CELSR1: variants seen among roughly 807,000 people sequenced by gnomAD.
CELSR1 encodes adhesion G protein-coupled receptor C1.
Under a neutral mutation model 249.1 loss-of-function variants are expected in CELSR1, and 110 were observed. The observed-to-expected ratio is 0.44, with a 90% CI of 0.38 to 0.52. CELSR1 has a LOEUF of 0.52. Among genes scored for constraint, CELSR1 ranks in the 20% least tolerant of loss-of-function variants. CELSR1 has a pLI of 0.00. For missense variants in CELSR1, 4,109 were observed against 4,296.4 expected (o/e 0.96, Z 1.22); for synonymous variants, 2,113 against 1,900.0 (o/e 1.11, Z -2.92).
chr22:46,381,866 G>A lies in CELSR1; in HGVS notation c.7068C>T (p.Asp2356=). ...CTTACCGGAGGCTGCGACGGTCGGG[G>A]TCGTAGCGCTCGGGCAGGAGCTGCC... ...TLGQLLPERY[D]PDRRSLRLPH... is the part of the protein sequence containing the mutation. Residue 2356 remains aspartate (D), a synonymous_variant, in exon 21 of 35, where the codon GAC becomes GAT. Transcript: ENST00000674500. The surrounding 1 kb of genome is among the most constrained non-coding windows in gnomAD (Gnocchi z 6.0). 1 of 1,564,922 alleles carries A rather than the reference G, an allele frequency of 6.4e-7. No homozygotes were observed. Among genetic ancestry groups the A allele is most frequent in the South Asian group, 1.2e-5 (1 of 85,362 alleles).
At chr22:46,462,539 T>C (rs1203211768) in intron 2 of CELSR1, among the ~76,000 whole-genome samples, 1 of 152,134 alleles carries the variant, frequency 6.6e-6, no homozygotes, top group Non-Finnish European at 1.5e-5. Flanking sequence ...AGCTAACGAT[T>C]GCTCAGGTGT....
At chr22:46,509,651 C>T (rs1223021070) in intron 1 of CELSR1, among the ~76,000 whole-genome samples, 4 of 152,032 alleles carry the variant, frequency 2.6e-5, no homozygotes, top group East Asian at 1.9e-4. Flanking sequence ...GCAGTGCCAG[C>T]GGTGCTGGGG....
At position 46,391,654 on chromosome 22, in the gene CELSR1, C is replaced by T. The variant is rs374203684; in HGVS notation, c.6127G>A (p.Val2043Ile). ...CNRCDNPFAE[V>I]TTLGCEVIYN... ...GGACCTTCACAGCCGAGCGTGGTGA[C>T]CTCGGCAAACGGGTTGTCGCAGCGG... is the stretch of plus-strand genomic sequence containing the variant. The change falls in exon 15 of 35, where the codon GTC becomes ATC. Residue 2043 changes from valine (V) to isoleucine (I), a missense_variant. Around this residue, in one of 7 missense-constraint regions of CELSR1, gnomAD observed 1,805 missense variants for 1,831.6 expected, o/e 0.99. Coordinates refer to ENST00000674500, the MANE Select transcript of CELSR1 (RefSeq NM_001378328.1). This position sits in a 1 kb window ranked among gnomAD's most constrained non-coding sequence, Gnocchi z 4.3. 6.2e-7 allele frequency: 1 copy of T among 1,605,018 alleles called. No homozygotes were observed. Among genetic ancestry groups the T allele is most frequent in the Non-Finnish European group, 8.5e-7 (1 of 1,177,876 alleles).
At chr22:46,377,282 G>C (rs1375303144) in intron 23 of CELSR1, 21 bp from the exon 24 acceptor site, 1 of 1,612,428 alleles carries the variant, frequency 6.2e-7, no homozygotes, top group Non-Finnish European at 8.5e-7. Context: ...GAGGGTTAAA[G>C]GCAGGAGAGA....
In CELSR1 at chr22:46,398,242, A is replaced by T. The variant is rs752112784; in HGVS notation, c.5526+282T>A. Among the ~76,000 whole-genome samples, 273 of 151,832 alleles carry T rather than the reference A, an allele frequency of 1.8e-3. 2 individuals carry two copies. Among genetic ancestry groups the T allele is most frequent in the Non-Finnish European group, 1.5e-3 (99 of 67,948 alleles). On this transcript the variant is annotated intron_variant, in intron 11 of 34. Transcript: ENST00000674500. This position sits in a 1 kb window ranked among gnomAD's most constrained non-coding sequence, Gnocchi z 7.2. ...GTTGGACTGGGTGGGGGTGGCGGCA[A>T]GGGGCTCGATTCAGGACACTTCACA...
chr22:46,363,806 C>T lies in CELSR1; in HGVS notation c.9035+190G>A. 1 of 736,296 alleles carries T rather than the reference C, an allele frequency of 1.4e-6. No individual in the cohort carries two copies. Among genetic ancestry groups the T allele is most frequent in the Non-Finnish European group, 2.1e-6 (1 of 473,848 alleles). The allele number at this position is 736,296 out of a possible 1,614,324, so 45.6% of individuals were successfully genotyped here. ...CGTGTCCCCAGGATAGGGGGTCTGC[C>T]CATCTCCGGGGTATCCTCCTGACCT... is the stretch of plus-strand genomic sequence containing the variant. On this transcript the variant is annotated intron_variant, in intron 34 of 34. Transcript: ENST00000674500. The surrounding 1 kb of genome is among the most constrained non-coding windows in gnomAD (Gnocchi z 4.3).
rs372622239 is a variant in CELSR1, at chr22:46,413,830, C to T, written c.4612-2071G>A. On this transcript the variant is annotated intron_variant, in intron 5 of 34. Transcript: ENST00000674500. This position sits in a 1 kb window ranked among gnomAD's most constrained non-coding sequence, Gnocchi z 4.7. Reference sequence around the variant, plus strand: ...TTATGGGACGCTTAAATGTGAGATGCGATCCCAGGGAAAGGAGAACCTCCC... The same window carrying T: ...TTATGGGACGCTTAAATGTGAGATGTGATCCCAGGGAAAGGAGAACCTCCC... Among the ~76,000 whole-genome samples the T allele has an allele frequency of 8.9e-4, 136 of 152,310 alleles. No homozygotes were observed. The highest frequency in any genetic ancestry group is 1.1e-3 in the African/African-American group (46 of 41,574).
chr22:46,395,264 C>T lies in CELSR1; in HGVS notation c.5844-1002G>A, dbSNP rs181516111. ...ATGCTGGATCAGCCTCTTGGCAACT[C>T]CCCCTGCTCCAAGCTGTGCTCCATG... On this transcript the variant is annotated intron_variant, in intron 13 of 34. Coordinates refer to ENST00000674500, the MANE Select transcript of CELSR1 (RefSeq NM_001378328.1). This position sits in a 1 kb window ranked among gnomAD's most constrained non-coding sequence, Gnocchi z 5.5. 1.3e-5 allele frequency among the ~76,000 whole-genome samples: 2 copies of T among 152,280 alleles called. No individual in the cohort carries two copies. The highest frequency in any genetic ancestry group is 1.9e-4 in the East Asian group (1 of 5,174).
rs2079681543 is a variant in CELSR1 at position 46,437,768 on chromosome 22, A to AAAAAAAC, written c.4406+1420_4406+1421insGTTTTTT. On this transcript the variant is annotated intron_variant, in intron 3 of 34. Transcript: ENST00000674500. This position sits in a 1 kb window ranked among gnomAD's most constrained non-coding sequence, Gnocchi z 4.9. ...ACTCCGTCTCAAAAAAAAAAAAAAA[A>AAAAAAAC]CTGATGGTTCCCAACTGTCGCCCAA... 6.6e-6 allele frequency among the ~76,000 whole-genome samples: 1 copy of AAAAAAAC among 151,582 alleles called. No homozygotes were observed. The highest frequency in any genetic ancestry group is 2.4e-5 in the African/African-American group (1 of 40,972).
At position 46,410,299 on chromosome 22, in the gene CELSR1, C is replaced by A; in HGVS notation, c.4933+99G>T. The A allele has an allele frequency of 6.9e-7, 1 of 1,449,902 alleles. No individual in the cohort carries two copies. The highest frequency in any genetic ancestry group is 9.5e-7 in the Non-Finnish European group (1 of 1,054,032). The allele number at this position is 1,449,902 out of a possible 1,614,324, so 89.8% of individuals were successfully genotyped here. A position where few individuals can be genotyped will look rare whatever the true frequency, so the allele number is the denominator to read the frequency against. ...GACACATACATTTCTAAGAAAAACA[C>A]GGCTCCCCAGGGATCTGCAAGCAGT... On this transcript the variant is annotated intron_variant, in intron 7 of 34. Transcript: ENST00000674500. The surrounding 1 kb of genome is among the most constrained non-coding windows in gnomAD (Gnocchi z 6.8).
chr22:46,475,764 G>T (rs938170023), intron 1 of CELSR1, among the ~76,000 whole-genome samples: 2 of 152,032 alleles, frequency 1.3e-5, no homozygotes, highest in African/African-American at 4.8e-5. Flanking sequence ...CATAATCTTC[G>T]ATAACACTTA....
chr22:46,364,837 C>G (rs747750477), intron 32 of CELSR1, 101 bp from the exon 33 acceptor site: 145 of 1,191,264 alleles, frequency 1.2e-4, no homozygotes, highest in Middle Eastern at 4.4e-4. Context: ...TCTCCCCAAC[C>G]TGCAGGCCTG....
chr22:46,385,290 G>A (rs1602056003), intron 19 of CELSR1, among the ~76,000 whole-genome samples: 2 of 152,074 alleles, frequency 1.3e-5, no homozygotes, highest in East Asian at 1.9e-4. Flanking sequence ...TAGAGACAGG[G>A]TCTCACTATG....
chr22:46,529,400 C>G lies in CELSR1; in HGVS notation c.3544+4227G>C, dbSNP rs569115835. On this transcript the variant is annotated intron_variant, in intron 1 of 34. Coordinates refer to ENST00000674500, the MANE Select transcript of CELSR1 (RefSeq NM_001378328.1). Reference sequence around the variant, plus strand: ...ACACTTGCTTGTGAGATCTAAAAATCAAAGCAATTGAACTCATGGGGACAG... The same window carrying G: ...ACACTTGCTTGTGAGATCTAAAAATGAAAGCAATTGAACTCATGGGGACAG... 5.3e-5 allele frequency among the ~76,000 whole-genome samples: 8 copies of G among 152,130 alleles called. No homozygotes were observed. The South Asian group carries it at 1.5e-3, about 28-fold the overall frequency.
rs6008854 is a variant in CELSR1, at chr22:46,471,651, C to T, written c.3545-7306G>A. Among the ~76,000 whole-genome samples, 1 of 152,192 alleles carries T rather than the reference C, an allele frequency of 6.6e-6. No individual in the cohort carries two copies. The highest frequency in any genetic ancestry group is 2.4e-5 in the African/African-American group (1 of 41,432). ...CCTCAAGCGATCCTCCCACCTCAGC[C>T]TCCCAAAGTGCTGGGATTCACGGGT... On this transcript the variant is annotated intron_variant, in intron 1 of 34. Coordinates refer to ENST00000674500, the MANE Select transcript of CELSR1 (RefSeq NM_001378328.1). This position sits in a 1 kb window ranked among gnomAD's most constrained non-coding sequence, Gnocchi z 4.9.
intron 3 of CELSR1, among the ~76,000 whole-genome samples, chr22:46,438,636 A>G (rs1396266196): frequency 6.6e-6 from 1 of 152,254 alleles, no homozygotes; most frequent in Non-Finnish European, 1.5e-5. Flanking sequence ...TTGTGCAGAC[A>G]TTTAATTAAA....
intron 32 of CELSR1, among the ~76,000 whole-genome samples, 195 bp downstream of exon 32, chr22:46,365,036 A>G (rs1445761922): frequency 6.6e-6 from 1 of 152,166 alleles, no homozygotes; most frequent in Non-Finnish European, 1.5e-5. Context: ...GCCTCCGCTC[A>G]GGGGGTTGGC....
rs1340207937 is a variant in CELSR1 at position 46,536,205 on chromosome 22, C to T, written c.966G>A (p.Arg322=). Residue 322 remains arginine (R), a synonymous_variant, in exon 1 of 35, where the codon AGG becomes AGA. Transcript: ENST00000674500. The stretch of plus-strand genomic sequence containing the variant: ...GCGTACTGTAGTCCACGGCTTTCAC[C>T]CTGAGGACGTGCGTCTCCTTGGTCT... ...DRETKETHVL[R]VKAVDYSTPP... is the part of the protein sequence containing the mutation. 2 of 1,612,822 alleles carry T rather than the reference C, an allele frequency of 1.2e-6. No homozygotes were observed. The highest frequency in any genetic ancestry group is 2.7e-5 in the African/African-American group (2 of 75,056).
rs2078802944 is a variant in CELSR1 at position 46,367,780 on chromosome 22, G to T, written c.8028C>A (p.Asn2676Lys). Residue 2676 changes from asparagine to lysine, a missense_variant, in exon 28 of 35, where the codon AAC becomes AAA. Physicochemically the swap from Asn to Lys is moderately conservative, Grantham distance 94. This residue lies in a region of CELSR1 where 1,805 missense variants were observed against 1,831.6 expected (regional missense o/e 0.99). Transcript: ENST00000674500. Reference protein sequence around the residue: ...ATWLLGLLAVNRDALSFHYLF... With the variant: ...ATWLLGLLAVKRDALSFHYLF... ...GGTAGTGAAAGCTCAGTGCATCGCG[G>T]TTCACAGCCAGCAGCCCCAGCAGCC... 1 of 1,610,808 alleles carries T rather than the reference G, an allele frequency of 6.2e-7. No homozygotes were observed. Among genetic ancestry groups the T allele is most frequent in the Non-Finnish European group, 8.5e-7 (1 of 1,179,302 alleles).
Sources: gnomAD v4.1 joint callset for allele counts (sites outside exome capture counted in the v4.1 genomes callset) on GRCh38, gnomAD v4.1.1 for gene constraint, gnomAD v4.1.1 regional missense constraint, Gnocchi (gnomAD v3.1) non-coding constraint, MANE v1.5 for transcripts, NCBI Gene and HGNC (gene_info 2026-07-23, HGNC 2026-07-21) for gene names.